MAPK8IP3: variants seen among roughly 807,000 people sequenced by gnomAD.
MAPK8IP3 encodes the protein mitogen-activated protein kinase 8 interacting protein 3.
MAPK8IP3 carries 49 observed loss-of-function variants against 157.8 expected under a neutral mutation model. The ratio of observed to expected loss-of-function variants is 0.31; its 90% CI spans 0.25 to 0.39. MAPK8IP3 has a LOEUF of 0.39. Among genes scored for constraint, MAPK8IP3 ranks in the 10% least tolerant of loss-of-function variants. MAPK8IP3 has a pLI of 1.00. For synonymous variants in MAPK8IP3, 897 were observed against 777.7 expected, an observed-to-expected ratio of 1.15 and a Z score of -2.55; for missense variants, 1,478 against 1,889.4, an observed-to-expected ratio of 0.78 and a Z score of 4.04.
intron 11 of MAPK8IP3, 149 bp from the exon 12 acceptor site, chr16:1,760,231 G>C (rs2041857001): frequency 9.1e-7 from 1 of 1,099,274 alleles, no homozygotes; most frequent in Admixed American, 2.3e-5. Context: ...ATAGGGTTTA[G>C]CTAAGATGGG....
intron 11 of MAPK8IP3, 67 bp from the exon 12 acceptor site, chr16:1,760,313 T>C (rs2041861687): frequency 3.2e-6 from 5 of 1,544,750 alleles, no homozygotes; most frequent in Non-Finnish European, 2.6e-6. Flanking sequence ...CAGGCGCCCC[T>C]GGCAAGGCCC....
intron 22 of MAPK8IP3, 43 bp from the exon 23 acceptor site, chr16:1,766,486 G>T (rs2042267305): frequency 6.2e-7 from 1 of 1,605,734 alleles, no homozygotes; most frequent in African/African-American, 1.3e-5. Context: ...TGGGGCAGGT[G>T]CGTGCTCCGT....
At position 1,751,318 on chromosome 16, in the gene MAPK8IP3, GC is replaced by G. The variant is rs1184108925; in HGVS notation, c.1216+2600del. Reference sequence around the variant, plus strand: ...AAAAATACAAAAAGAAATTAGCTGGGCCTGGTGGCGGGCACCTGTAATCCCA... The same window carrying G: ...AAAAATACAAAAAGAAATTAGCTGGGCTGGTGGCGGGCACCTGTAATCCCA... On this transcript the variant is annotated intron_variant, in intron 8 of 31. Coordinates refer to ENST00000610761, the MANE Select transcript of MAPK8IP3 (RefSeq NM_001318852.2). The surrounding 1 kb of genome is among the most constrained non-coding windows in gnomAD (Gnocchi z 5.0). Among the ~76,000 whole-genome samples the G allele has an allele frequency of 2.0e-5, 3 of 152,118 alleles. No individual in the cohort carries two copies. The highest frequency in any genetic ancestry group is 7.2e-5 in the African/African-American group (3 of 41,400).
At position 1,762,738 on chromosome 16, in the gene MAPK8IP3, TG is replaced by T; in HGVS notation, c.1727+12del. 1.3e-6 allele frequency: 2 copies of T among 1,578,938 alleles called. No homozygotes were observed. Among genetic ancestry groups the T allele is most frequent in the Non-Finnish European group, 1.7e-6 (2 of 1,160,398 alleles). On this transcript the variant is annotated splice_region_variant and intron_variant, in intron 15 of 31. Coordinates refer to ENST00000610761, the MANE Select transcript of MAPK8IP3 (RefSeq NM_001318852.2). The stretch of plus-strand genomic sequence containing the variant: ...AGTCGACCATCTGGCAGTTGTAAGC[TG>T]GGGGCCCCTGGGGGATGTGGGCAGC...
intron 2 of MAPK8IP3, among the ~76,000 whole-genome samples, chr16:1,727,323 C>T (rs368832416): frequency 2.1e-5 from 3 of 145,802 alleles, no homozygotes; most frequent in African/African-American, 5.1e-5. Flanking sequence ...GTGCTGTGTG[C>T]GGCGTCTGTG....
rs779618612 is a variant in MAPK8IP3 at position 1,767,213 on chromosome 16, C to T, written c.3153C>T (p.Arg1051=). The T allele has an allele frequency of 6.2e-7, 1 of 1,613,354 alleles. No individual in the cohort carries two copies. Among genetic ancestry groups the T allele is most frequent in the Non-Finnish European group, 8.5e-7 (1 of 1,180,030 alleles). ...TGGGCCACCCGCACCACTCCATCCG[C>T]TGCATGGCTGTTGTGTACGACCGCG... ...MDLGHPHHSI[R]CMAVVYDRVW... Residue 1051 remains arginine, a synonymous_variant, in exon 26 of 32, where the codon CGC becomes CGT. Transcript: ENST00000610761.
intron 11 of MAPK8IP3, 25 bp from the exon 12 acceptor site, chr16:1,760,355 C>T: frequency 6.2e-7 from 1 of 1,600,556 alleles, no homozygotes; most frequent in Non-Finnish European, 8.5e-7. Flanking sequence ...GCCCGTGGCA[C>T]TCCCATCTTT....
At chr16:1,746,556 G>A (rs757631964) in intron 5 of MAPK8IP3, 4 of 166,162 alleles carry the variant, frequency 2.4e-5, no homozygotes, top group South Asian at 3.2e-4. Flanking sequence ...GGGCAGGCGC[G>A]GGTGGGCCCA....
chr16:1,713,638 G>C (rs1346919063), intron 1 of MAPK8IP3: 1 of 152,290 alleles, frequency 6.6e-6, no homozygotes, highest in East Asian at 1.9e-4. Context: ...AGATGGGAAA[G>C]TGGATGCCAG....
In MAPK8IP3 at chr16:1,724,564, T is replaced by C. The variant is rs775402927; in HGVS notation, c.326T>C (p.Ile109Thr). 7 of 1,613,222 alleles carry C rather than the reference T, an allele frequency of 4.3e-6. No homozygotes were observed. Among genetic ancestry groups the C allele is most frequent in the Non-Finnish European group, 5.9e-6 (7 of 1,179,896 alleles). Reference sequence around the variant, plus strand: ...CCTCCCTTCCATGCACAGAAATTCATTGAGTTTGAAGATGCTCTGGAACAA... The same window carrying C: ...CCTCCCTTCCATGCACAGAAATTCACTGAGTTTGAAGATGCTCTGGAACAA... Reference protein sequence around the residue: ...ALRRQAEEKFIEFEDALEQEK... With the variant: ...ALRRQAEEKFTEFEDALEQEK... Residue 109 changes from isoleucine (I) to threonine (T), a missense_variant, in exon 2 of 32, where the codon ATT becomes ACT. Around this residue, in one of 11 missense-constraint regions of MAPK8IP3, gnomAD observed 65 missense variants for 161.8 expected, o/e 0.40. Coordinates refer to ENST00000610761, the MANE Select transcript of MAPK8IP3 (RefSeq NM_001318852.2). The surrounding 1 kb of genome is among the most constrained non-coding windows in gnomAD (Gnocchi z 4.1).
intron 5 of MAPK8IP3, chr16:1,746,823 T>G: frequency 1.7e-6 from 1 of 601,704 alleles, no homozygotes; most frequent in South Asian, 2.3e-5. Context: ...GGAGCCGGAG[T>G]CAGTGGCCGG....
Position 1,724,779 on chromosome 16 carries a change from A to C in MAPK8IP3, c.439+102A>C, listed in dbSNP as rs1191409218. The C allele has an allele frequency of 6.8e-7, 1 of 1,477,956 alleles. No homozygotes were observed. The highest frequency in any genetic ancestry group is 1.4e-5 in the African/African-American group (1 of 71,418). 91.6% of individuals were successfully genotyped at this position (1,477,956 alleles called of 1,614,324 possible). A position where few individuals can be genotyped will look rare whatever the true frequency, so the allele number is the denominator to read the frequency against. The stretch of plus-strand genomic sequence containing the variant: ...AGCGCCTTCCACACAAGGGGACGAG[A>C]GGAAGCCCAGTGGGAGCCTCAGCCA... On this transcript the variant is annotated intron_variant, in intron 2 of 31. Coordinates refer to ENST00000610761, the MANE Select transcript of MAPK8IP3 (RefSeq NM_001318852.2). The surrounding 1 kb of genome is among the most constrained non-coding windows in gnomAD (Gnocchi z 4.1).
intron 8 of MAPK8IP3, among the ~76,000 whole-genome samples, chr16:1,757,392 C>A (rs915581166): frequency 2.0e-5 from 3 of 152,190 alleles, no homozygotes; most frequent in Non-Finnish European, 4.4e-5. Context: ...GCGTGAGCCA[C>A]CACGCCCTGC....
intron 8 of MAPK8IP3, among the ~76,000 whole-genome samples, chr16:1,754,151 C>T (rs951679260): frequency 3.4e-5 from 5 of 148,080 alleles, no homozygotes; most frequent in East Asian, 2.0e-4. Flanking sequence ...GCAGCCTGGG[C>T]AGTAAGAGCG....
rs1458743445 is a variant in MAPK8IP3, at chr16:1,706,541, T to G, written c.202T>G (p.Ser68Ala). The part of the protein sequence containing the change: ...LVVNVLENLD[S>A]VLSENQEHEV... ...GGTGAACGTGCTGGAGAACCTAGAC[T>G]CGGTGCTCAGCGAGAACCAGGAGCA... Residue 68 changes from serine to alanine, a missense_variant, in exon 1 of 32, where the codon TCG (serine) becomes GCG (alanine). By Grantham distance (99) the Ser-to-Ala change is moderately conservative. Coordinates refer to ENST00000610761, the MANE Select transcript of MAPK8IP3 (RefSeq NM_001318852.2). The surrounding 1 kb of genome is among the most constrained non-coding windows in gnomAD (Gnocchi z 5.1). 1 of 1,613,660 alleles carries G rather than the reference T, an allele frequency of 6.2e-7. No homozygotes were observed. Among genetic ancestry groups the G allele is most frequent in the Admixed American group, 1.7e-5 (1 of 59,970 alleles).
At chr16:1,760,858 A>G (rs1008530436) in intron 12 of MAPK8IP3, among the ~76,000 whole-genome samples, 2 of 152,152 alleles carry the variant, frequency 1.3e-5, no homozygotes, top group African/African-American at 2.4e-5. Context: ...CCCTTCTCTG[A>G]TGGACAGAGG....
chr16:1,764,333 G>A lies in MAPK8IP3; in HGVS notation c.2154G>A (p.Gly718=), dbSNP rs1421966912. The A allele has an allele frequency of 1.3e-6, 2 of 1,577,094 alleles. No individual in the cohort carries two copies. Among genetic ancestry groups the A allele is most frequent in the South Asian group, 1.1e-5 (1 of 87,004 alleles). The part of the protein sequence containing the change: ...LWCAAGVNLS[G]WRPNEDDAGN... The stretch of plus-strand genomic sequence containing the variant: ...GTGCCGCGGGCGTCAACCTGAGCGG[G>A]TGGAGGCCCAATGAGGACGACGCTG... Residue 718 remains glycine, a synonymous_variant, in exon 19 of 32, where the codon GGG becomes GGA. Coordinates refer to ENST00000610761, the MANE Select transcript of MAPK8IP3 (RefSeq NM_001318852.2).
At chr16:1,740,015 CGT>C (rs1239039925) in intron 4 of MAPK8IP3, among the ~76,000 whole-genome samples, 14 of 111,140 alleles carry the variant, frequency 1.3e-4, no homozygotes, top group Admixed American at 2.1e-4. Context: ...TCCGTGTGAG[CGT>C]GTGAGCATCC....
Position 1,706,761 on chromosome 16 carries a change from C to A in MAPK8IP3, c.318+104C>A. 7.7e-7 allele frequency: 1 copy of A among 1,292,450 alleles called. No individual in the cohort carries two copies. Among genetic ancestry groups the A allele is most frequent in the Non-Finnish European group, 1.0e-6 (1 of 976,986 alleles). The allele number at this position is 1,292,450 out of a possible 1,614,324, so 80.1% of individuals were successfully genotyped here. A position where few individuals can be genotyped will look rare whatever the true frequency, so the allele number is the denominator to read the frequency against. ...CCGACCCCAGACCCCGCTCCGGCAC[C>A]CCGGACCGCGGGACCCCTGGACCCC... On this transcript the variant is annotated intron_variant, in intron 1 of 31. Coordinates refer to ENST00000610761, the MANE Select transcript of MAPK8IP3 (RefSeq NM_001318852.2). The surrounding 1 kb of genome is among the most constrained non-coding windows in gnomAD (Gnocchi z 5.1).
Sources: gnomAD v4.1 joint callset for allele counts (sites outside exome capture counted in the v4.1 genomes callset) on GRCh38, gnomAD v4.1.1 for gene constraint, gnomAD v4.1.1 regional missense constraint, Gnocchi (gnomAD v3.1) non-coding constraint, MANE v1.5 for transcripts, NCBI Gene and HGNC (gene_info 2026-07-23, HGNC 2026-07-21) for gene names.